CHEK2: variants seen among roughly 807,000 people sequenced by gnomAD.
The protein encoded by CHEK2 is serine/threonine-protein kinase Chk2.
Under a neutral mutation model 69.1 loss-of-function variants are expected in CHEK2, and 71 were observed. That is an observed-to-expected ratio of 1.03 (90% CI 0.85 to 1.25). The LOEUF (loss-of-function observed/expected upper bound fraction) is 1.25. CHEK2 is among the 50% of genes most tolerant of loss of function. The pLI, the probability that CHEK2 is intolerant of heterozygous loss-of-function variation, is 0.00. For synonymous variants in CHEK2, 189 were observed against 226.9 expected (o/e 0.83, Z 1.50); for missense variants, 664 against 649.6 (o/e 1.02, Z -0.24).
intron 2 of CHEK2, chr22:28,726,416 A>G (rs6005848): frequency 6.8e-6 from 1 of 147,170 alleles, no homozygotes; most frequent in Non-Finnish European, 1.5e-5. Context: ...TATTTATTTT[A>G]TATTTATTAT....
At chr22:28,693,782 C>T (rs1238547212) in intron 13 of CHEK2, among the ~76,000 whole-genome samples, 4 of 152,074 alleles carry the variant, frequency 2.6e-5, no homozygotes, top group Non-Finnish European at 5.9e-5. Flanking sequence ...TCACTTGAAC[C>T]CGGGGGCCAG....
intron 3 of CHEK2, 42 bp from the exon 4 acceptor site, chr22:28,725,166 G>A (rs775135788): frequency 6.2e-7 from 1 of 1,613,808 alleles, no homozygotes; most frequent in Non-Finnish European, 8.5e-7. Context: ...GAATAGCAGA[G>A]ATTTATAGTG....
intron 4 of CHEK2, chr22:28,721,636 TAAAAAA>T: frequency 5.3e-6 from 2 of 379,022 alleles, no homozygotes; most frequent in Admixed American, 3.0e-5. Flanking sequence ...TTTTCTCTAT[TAAAAAA>T]AAAAAGATAA....
At chr22:28,739,275 C>CA (rs978426288) in intron 1 of CHEK2, among the ~76,000 whole-genome samples, 3 of 151,294 alleles carry the variant, frequency 2.0e-5, no homozygotes, top group Admixed American at 1.3e-4. Flanking sequence ...GATTCTGTCT[C>CA]AAAAAAAAGA....
intron 4 of CHEK2, among the ~76,000 whole-genome samples, chr22:28,723,576 C>T (rs9608697): frequency 8.0e-6 from 1 of 124,376 alleles, no homozygotes; most frequent in African/African-American, 3.1e-5. Flanking sequence ...CCAGCCTGGG[C>T]GACAGAGCAA....
intron 1 of CHEK2, among the ~76,000 whole-genome samples, chr22:28,736,872 G>C (rs2146176202): frequency 6.6e-6 from 1 of 151,740 alleles, no homozygotes; most frequent in South Asian, 2.1e-4. Flanking sequence ...GAGCCCAGGA[G>C]TTGAAGGCTG....
chr22:28,693,409 G>T (rs2052439072), intron 13 of CHEK2, among the ~76,000 whole-genome samples: 1 of 152,112 alleles, frequency 6.6e-6, no homozygotes, highest in Admixed American at 6.5e-5. Context: ...AGTCACTTGG[G>T]CTTGAGAAAT....
intron 1 of CHEK2, among the ~76,000 whole-genome samples, chr22:28,735,298 C>G (rs1216495203): frequency 6.6e-6 from 1 of 151,704 alleles, no homozygotes; most frequent in Admixed American, 6.6e-5. Flanking sequence ...CTCAGCTACT[C>G]GGGAGGCTGA....
chr22:28,697,980 G>A (rs1023173232), intron 9 of CHEK2, among the ~76,000 whole-genome samples: 1 of 151,858 alleles, frequency 6.6e-6, no homozygotes, highest in Non-Finnish European at 1.5e-5. Context: ...ACCAATAAGG[G>A]AGCAATACAC....
chr22:28,726,642 A>C (rs924872265), intron 2 of CHEK2, among the ~76,000 whole-genome samples: 4 of 148,872 alleles, frequency 2.7e-5, no homozygotes, highest in African/African-American at 9.9e-5. Flanking sequence ...ATACATATAT[A>C]TATAAAACCG....
intron 14 of CHEK2, among the ~76,000 whole-genome samples, chr22:28,688,561 C>T (rs2052216626): frequency 1.3e-5 from 2 of 152,028 alleles, no homozygotes; most frequent in African/African-American, 2.4e-5. Context: ...CCCAGATACT[C>T]GGGAGACTGA....
chr22:28,740,889 C>T (rs985728908), intron 1 of CHEK2, among the ~76,000 whole-genome samples: 1 of 152,110 alleles, frequency 6.6e-6, no homozygotes, highest in Non-Finnish European at 1.5e-5. Flanking sequence ...GGCGCGGTGG[C>T]TCACACCTGT....
chr22:28,688,864 TAG>T (rs1428411994), intron 14 of CHEK2, among the ~76,000 whole-genome samples: 1 of 152,222 alleles, frequency 6.6e-6, no homozygotes, highest in Non-Finnish European at 1.5e-5. Context: ...GAGCCTCTAA[TAG>T]AGTCTTTCGA....
chr22:28,701,389 T>G (rs983461878), intron 8 of CHEK2, among the ~76,000 whole-genome samples: 1 of 152,002 alleles, frequency 6.6e-6, no homozygotes, highest in African/African-American at 2.4e-5. Context: ...TTTTTGTATT[T>G]TTAGTAGAGA....
At chr22:28,720,736 C>A (rs568297641) in intron 4 of CHEK2, among the ~76,000 whole-genome samples, 10 of 152,278 alleles carry the variant, frequency 6.6e-5, no homozygotes, top group African/African-American at 2.2e-4. Flanking sequence ...TGCTGGCCAC[C>A]CAGGCACAAG....
At chr22:28,702,135 C>CTGTGTGTGTGTGTGTGTG (rs141703411) in intron 8 of CHEK2, among the ~76,000 whole-genome samples, 60 of 140,404 alleles carry the variant, frequency 4.3e-4, no homozygotes, top group East Asian at 2.5e-3. Flanking sequence ...GTGTGTGTGT[C>CTGTGTGTGTGTGTGTGTG]TGTGTGTGTG....
At chr22:28,713,048 C>T (rs5762758) in intron 5 of CHEK2, among the ~76,000 whole-genome samples, 40,547 of 152,156 alleles carry the variant, frequency 0.27, 6,914 homozygotes, top group Middle Eastern at 0.42. Context: ...TATTGATTTG[C>T]CTATTCTGAA....
At chr22:28,730,289 GAAAGGAAAGC>G (rs2054169478) in intron 2 of CHEK2, 1 of 411,816 alleles carries the variant, frequency 2.4e-6, no homozygotes, top group Non-Finnish European at 4.3e-6. Flanking sequence ...GAAGGGAAAG[GAAAGGAAAGC>G]GGAAGGGAAA....
At chr22:28,704,133 C>G (rs1033175761) in intron 7 of CHEK2, among the ~76,000 whole-genome samples, 18 of 149,720 alleles carry the variant, frequency 1.2e-4, no homozygotes, top group African/African-American at 3.0e-4. Flanking sequence ...CACACACACA[C>G]ACACACACAC....
Sources: gnomAD v4.1 joint callset for allele counts (sites outside exome capture counted in the v4.1 genomes callset) on GRCh38, gnomAD v4.1.1 for gene constraint, MANE v1.5 for transcripts, NCBI Gene and HGNC (gene_info 2026-07-23, HGNC 2026-07-21) for gene names.